Variants in TEX36 observed in about 807,000 individuals in gnomAD.
TEX36 encodes the protein testis expressed 36, also known as testis-expressed protein 36.
A neutral mutation model predicts 13.6 loss-of-function variants in TEX36; 12 were observed. The observed-to-expected ratio is 0.88, with a 90% CI of 0.56 to 1.43. The LOEUF (loss-of-function observed/expected upper bound fraction) is 1.43, where lower values mean the gene tolerates loss of function less well. Among genes scored for constraint, TEX36 ranks in the 40% most tolerant of loss-of-function variants. TEX36 has a pLI of 0.00. For missense variants in TEX36, 224 were observed against 228.3 expected (o/e 0.98, Z 0.12); for synonymous variants, 93 against 83.0 (o/e 1.12, Z -0.65).
intron 3 of TEX36, among the ~76,000 whole-genome samples, chr10:125,613,030 T>C (rs1846309257): frequency 6.6e-6 from 1 of 151,878 alleles, no homozygotes; most frequent in African/African-American, 2.4e-5. Context: ...AGAAGTCCAG[T>C]GTTCCAGCTG....
chr10:125,597,366 T>C (rs1846093796), intron 3 of TEX36, among the ~76,000 whole-genome samples: 1 of 152,144 alleles, frequency 6.6e-6, no homozygotes, highest in Non-Finnish European at 1.5e-5. Flanking sequence ...CACATGGGCA[T>C]TTGCAGCAAG....
intron 3 of TEX36, among the ~76,000 whole-genome samples, chr10:125,600,848 C>A (rs1160706128): frequency 6.6e-6 from 1 of 152,232 alleles, no homozygotes; most frequent in East Asian, 1.9e-4. Flanking sequence ...GCACAAAGAT[C>A]TGATTTTGCA....
chr10:125,585,931 G>A (rs1845941174), intron 3 of TEX36, among the ~76,000 whole-genome samples: 1 of 152,202 alleles, frequency 6.6e-6, no homozygotes, highest in African/African-American at 2.4e-5. Flanking sequence ...GGAAGGTTTG[G>A]AAACTTCCCT....
intron 3 of TEX36, among the ~76,000 whole-genome samples, chr10:125,606,771 C>CTATT (rs1391540536): frequency 6.6e-6 from 1 of 152,184 alleles, no homozygotes; most frequent in African/African-American, 2.4e-5. Flanking sequence ...TGAAGGGACT[C>CTATT]TATTTATTTC....
chr10:125,621,256 G>A (rs7075103), downstream of TEX36, among the ~76,000 whole-genome samples: 335 of 152,100 alleles, frequency 2.2e-3, 3 homozygotes, highest in African/African-American at 7.3e-3. Context: ...TCGATTTTTC[G>A]TTCTTTGAGG....
chr10:125,665,251 T>C (rs9422785), intron 1 of TEX36, among the ~76,000 whole-genome samples: 2,631 of 152,276 alleles, frequency 0.017, 73 homozygotes, highest in African/African-American at 0.059. Flanking sequence ...TGATTTAATA[T>C]AGTTCCATTT....
At chr10:125,641,692 C>T (rs559833230) in intron 3 of TEX36, among the ~76,000 whole-genome samples, 1 of 152,336 alleles carries the variant, frequency 6.6e-6, no homozygotes, top group East Asian at 1.9e-4. Flanking sequence ...GTTTATTCCT[C>T]TGTTCAGAAC....
intron 1 of TEX36, among the ~76,000 whole-genome samples, chr10:125,669,580 A>G (rs1471459941): frequency 6.6e-6 from 1 of 151,898 alleles, no homozygotes; most frequent in Non-Finnish European, 1.5e-5. Flanking sequence ...TTAAATTTTT[A>G]TCTTTTTAAA....
chr10:125,580,026 CTGTTGGGT>C (rs1845865626), intron 3 of TEX36, among the ~76,000 whole-genome samples: 2 of 152,106 alleles, frequency 1.3e-5, no homozygotes, highest in Admixed American at 1.3e-4. Context: ...TAGAAAGTAC[CTGTTGGGT>C]ACTTAATAAA....
chr10:125,649,998 A>G (rs963607542), intron 3 of TEX36, among the ~76,000 whole-genome samples: 1 of 152,216 alleles, frequency 6.6e-6, no homozygotes, highest in Non-Finnish European at 1.5e-5. Context: ...TTCACAAAGC[A>G]AGTCCTTAGA....
chr10:125,635,596 G>A lies in TEX36; in HGVS notation c.265-13951C>T, dbSNP rs9422776. On this transcript the variant is annotated intron_variant, in intron 3 of 3. Transcript: ENST00000526819. ...CGTGCTGGGGTGCGAAGGTACAGCG[G>A]ATGGGGGAAGTTCACCGTCTTTCTC... Among the ~76,000 whole-genome samples, 1,252 of 152,288 alleles carry A rather than the reference G, an allele frequency of 8.2e-3. 17 individuals carry two copies. Among genetic ancestry groups the A allele is most frequent in the African/African-American group, 0.028 (1,181 of 41,562 alleles).
At chr10:125,635,284 C>A (rs1361479761) in intron 3 of TEX36, among the ~76,000 whole-genome samples, 1 of 152,170 alleles carries the variant, frequency 6.6e-6, no homozygotes, top group African/African-American at 2.4e-5. Flanking sequence ...AGACTCTTAC[C>A]CTGCATCTAG....
At chr10:125,611,353 T>C (rs1360204184) in intron 3 of TEX36, among the ~76,000 whole-genome samples, 1 of 152,210 alleles carries the variant, frequency 6.6e-6, no homozygotes, top group African/African-American at 2.4e-5. Context: ...CCTGCCACTT[T>C]CCTCAACATT....
In TEX36 at chr10:125,661,073, G is replaced by A; in HGVS notation, c.212C>T (p.Ser71Phe). 1.3e-6 allele frequency: 2 copies of A among 1,552,026 alleles called. No individual in the cohort carries two copies. The highest frequency in any genetic ancestry group is 2.4e-5 in the South Asian group (2 of 84,060). ...CAAGCTGTGCCGATTGTCATGCACG[G>A]AGAAGGGGAACTGGTTATTCACTGC... Reference protein sequence around the residue: ...KQAVNNQFPFSVHDNRHSLEN... With the variant: ...KQAVNNQFPFFVHDNRHSLEN... The change falls in exon 3 of 4, where the codon TCC becomes TTC. Residue 71 changes from serine (S) to phenylalanine (F), a missense_variant. Ser to Phe is a radical substitution (Grantham distance 155, BLOSUM62 -2). Coordinates refer to ENST00000368821, the MANE Select transcript of TEX36 (RefSeq NM_001128202.3).
chr10:125,618,260 A>G (rs1846383268), downstream of TEX36, among the ~76,000 whole-genome samples: 3 of 152,156 alleles, frequency 2.0e-5, no homozygotes, highest in South Asian at 6.2e-4. Flanking sequence ...GAGTAATTTG[A>G]TCGTCTGAAG....
At chr10:125,655,449 TA>T (rs541864219), downstream of TEX36, among the ~76,000 whole-genome samples, 77 of 151,970 alleles carry the variant, frequency 5.1e-4, no homozygotes, top group Admixed American at 4.7e-3. Flanking sequence ...AAAACAAAAT[TA>T]AAAAAAAGTT....
At chr10:125,680,867 T>C (rs990471067) in intron 1 of TEX36, among the ~76,000 whole-genome samples, 1 of 152,196 alleles carries the variant, frequency 6.6e-6, no homozygotes, top group African/African-American at 2.4e-5. Context: ...GGGGTCTTGA[T>C]AGAAGGATAA....
downstream of TEX36, among the ~76,000 whole-genome samples, chr10:125,651,854 CACAA>C (rs557446565): frequency 1.3e-5 from 2 of 152,220 alleles, no homozygotes; most frequent in South Asian, 4.1e-4. Context: ...ACATCAATAA[CACAA>C]ACAGTGAGCC....
rs1846782678 is a variant in TEX36 at position 125,647,179 on chromosome 10, AC to A, written c.264+13841del. On this transcript the variant is annotated intron_variant, in intron 3 of 3. Coordinates refer to the TEX36 transcript ENST00000526819. ...AAAACATAAAATTATCTCAATAAAGACCAGAACATTATTTGCTATAATGTCA... is the reference window on the plus strand; with the variant it reads ...AAAACATAAAATTATCTCAATAAAGACAGAACATTATTTGCTATAATGTCA... Among the ~76,000 whole-genome samples the A allele has an allele frequency of 2.0e-5, 3 of 152,240 alleles. No individual in the cohort carries two copies. The South Asian group carries it at 6.2e-4, about 31-fold the overall frequency.
Sources: allele counts gnomAD v4.1 joint callset (sites outside exome capture counted in the v4.1 genomes callset), GRCh38; gene constraint gnomAD v4.1.1; transcripts MANE v1.5; gene names NCBI Gene and HGNC (gene_info 2026-07-23, HGNC 2026-07-21).